Variants in NALF1 observed in about 807,000 individuals in gnomAD.
The protein encoded by NALF1 is NALCN channel auxiliary factor 1.
NALF1 carries 3 observed loss-of-function variants against 48.4 expected under a neutral mutation model. The observed-to-expected ratio is 0.06, with a 90% CI of 0.03 to 0.16. The LOEUF is 0.16. Among genes scored for constraint, NALF1 ranks in the 10% least tolerant of loss-of-function variants. The pLI, the probability that NALF1 is intolerant of heterozygous loss-of-function variation, is 1.00. For synonymous variants in NALF1, 262 were observed against 245.7 expected, an observed-to-expected ratio of 1.07 and a Z score of -0.62; for missense variants, 526 against 571.5, an observed-to-expected ratio of 0.92 and a Z score of 0.81.
intron 1 of NALF1, among the ~76,000 whole-genome samples, chr13:107,448,940 T>C (rs1269305038): frequency 6.6e-6 from 1 of 152,186 alleles, no homozygotes; most frequent in Non-Finnish European, 1.5e-5. Context: ...AGCAGAGCTA[T>C]GCTGTCAGAA....
chr13:107,556,296 T>TATATATAC (rs1181358439), intron 1 of NALF1, among the ~76,000 whole-genome samples: 6 of 98,564 alleles, frequency 6.1e-5, no homozygotes, highest in African/African-American at 2.3e-4. Flanking sequence ...TATATATATA[T>TATATATAC]ACACACACAC....
chr13:107,321,788 A>G (rs983625118), intron 1 of NALF1, among the ~76,000 whole-genome samples: 1 of 152,168 alleles, frequency 6.6e-6, no homozygotes, highest in Non-Finnish European at 1.5e-5. Context: ...ATGTGGCATC[A>G]TTTTGAGATG....
chr13:107,565,062 C>A, intron 1 of NALF1, among the ~76,000 whole-genome samples: 1 of 51,452 alleles, frequency 1.9e-5, no homozygotes, highest in African/African-American at 7.5e-5. Context: ...GGGGTGATAT[C>A]TGCAAAAAAA....
chr13:107,320,734 G>A (rs532738413), intron 1 of NALF1, among the ~76,000 whole-genome samples: 1 of 152,050 alleles, frequency 6.6e-6, no homozygotes, highest in African/African-American at 2.4e-5. Flanking sequence ...CATTGTTATC[G>A]ATTGCAGGAT....
intron 1 of NALF1, among the ~76,000 whole-genome samples, chr13:107,664,563 C>T (rs1336661646): frequency 6.6e-6 from 1 of 152,148 alleles, no homozygotes; most frequent in African/African-American, 2.4e-5. Context: ...CCGCCACTCC[C>T]CAACTTCAGT....
At chr13:107,403,492 T>C (rs1883848222) in intron 1 of NALF1, among the ~76,000 whole-genome samples, 1 of 151,894 alleles carries the variant, frequency 6.6e-6, no homozygotes, top group African/African-American at 2.4e-5. Flanking sequence ...TCCATTACTC[T>C]GTTTATTTGG....
chr13:107,219,840 A>G (rs1444263837), intron 1 of NALF1, among the ~76,000 whole-genome samples: 1 of 152,232 alleles, frequency 6.6e-6, no homozygotes, highest in African/African-American at 2.4e-5. Context: ...GTTAATGCAT[A>G]ACTTTGTCAT....
chr13:107,255,615 T>G (rs1274096374), intron 1 of NALF1, among the ~76,000 whole-genome samples: 3 of 152,188 alleles, frequency 2.0e-5, no homozygotes, highest in African/African-American at 7.2e-5. Flanking sequence ...TAATCCACAA[T>G]GTACAGTAAT....
chr13:107,756,674 T>C lies in NALF1; in HGVS notation c.915+109008A>G, dbSNP rs138541685. On this transcript the variant is annotated intron_variant, in intron 1 of 2. Coordinates refer to ENST00000375915, the MANE Select transcript of NALF1 (RefSeq NM_001080396.3). ...ATGATCGCTTATGGCCCCCAAACCA[T>C]GAATATCAACTTTCCTAAGCACGTC... 2.6e-3 allele frequency among the ~76,000 whole-genome samples: 402 copies of C among 152,138 alleles called. 3 individuals carry two copies. The highest frequency in any genetic ancestry group is 8.8e-3 in the African/African-American group (365 of 41,496).
chr13:107,489,088 G>A (rs776641945), intron 1 of NALF1, among the ~76,000 whole-genome samples: 5 of 151,988 alleles, frequency 3.3e-5, no homozygotes, highest in Non-Finnish European at 5.9e-5. Context: ...TCTCTCCAAG[G>A]AGAACTACAA....
intron 1 of NALF1, among the ~76,000 whole-genome samples, chr13:107,612,848 C>T (rs1175646128): frequency 6.6e-6 from 1 of 152,132 alleles, no homozygotes; most frequent in Non-Finnish European, 1.5e-5. Context: ...AAAAATAAAT[C>T]TCCCTTTCTC....
chr13:107,518,611 A>G (rs929492406), intron 1 of NALF1, among the ~76,000 whole-genome samples: 7 of 152,082 alleles, frequency 4.6e-5, no homozygotes, highest in African/African-American at 1.7e-4. Flanking sequence ...TTTCTCCTTG[A>G]GCTGCCATTT....
At chr13:107,504,853 C>T (rs923743186) in intron 1 of NALF1, among the ~76,000 whole-genome samples, 2 of 152,132 alleles carry the variant, frequency 1.3e-5, no homozygotes, top group African/African-American at 4.8e-5. Flanking sequence ...CCTCATGTCT[C>T]CTTAAATTCT....
intron 1 of NALF1, among the ~76,000 whole-genome samples, chr13:107,584,382 G>A (rs1878395891): frequency 6.6e-6 from 1 of 152,094 alleles, no homozygotes; most frequent in Admixed American, 6.6e-5. Flanking sequence ...TTTAATGCAT[G>A]CCTGTTTAAG....
At chr13:107,688,730 G>A (rs1316814743) in intron 1 of NALF1, among the ~76,000 whole-genome samples, 1 of 152,152 alleles carries the variant, frequency 6.6e-6, no homozygotes, top group African/African-American at 2.4e-5. Flanking sequence ...TGTCGAAGCA[G>A]TCCTACCTCC....
intron 1 of NALF1, among the ~76,000 whole-genome samples, chr13:107,369,002 C>T (rs1284453602): frequency 2.6e-5 from 4 of 152,216 alleles, no homozygotes; most frequent in Non-Finnish European, 5.9e-5. Flanking sequence ...TCCCTTTACA[C>T]GAAATGCAGT....
chr13:107,791,777 C>CTG (rs199809910), intron 1 of NALF1, among the ~76,000 whole-genome samples: 1,205 of 119,974 alleles, frequency 0.01, 6 homozygotes, highest in Non-Finnish European at 0.015. Flanking sequence ...GTGGTGATCC[C>CTG]CGCCCCCCCC....
At chr13:107,187,326 C>CT (rs1879195921) in intron 2 of NALF1, among the ~76,000 whole-genome samples, 1 of 152,018 alleles carries the variant, frequency 6.6e-6, no homozygotes, top group Admixed American at 6.6e-5. Context: ...CCACTTCTAC[C>CT]TTTGTGTTCT....
intron 1 of NALF1, among the ~76,000 whole-genome samples, chr13:107,692,676 T>A (rs1003469915): frequency 2.0e-5 from 3 of 152,274 alleles, no homozygotes; most frequent in Admixed American, 2.0e-4. Flanking sequence ...CTATGCATTA[T>A]AAGTAAAAAT....
Sources: allele counts gnomAD v4.1 joint callset (sites outside exome capture counted in the v4.1 genomes callset), GRCh38; gene constraint gnomAD v4.1.1; transcripts MANE v1.5; gene names NCBI Gene and HGNC (gene_info 2026-07-23, HGNC 2026-07-21).